Variants in OLFM1 observed in about 807,000 individuals in gnomAD.
OLFM1 encodes noelin.
OLFM1 carries 9 observed loss-of-function variants against 49.7 expected under a neutral mutation model. That is an observed-to-expected ratio of 0.18 (90% CI 0.11 to 0.32). The LOEUF is 0.32. Among genes scored for constraint, OLFM1 ranks in the 10% least tolerant of loss-of-function variants. The pLI, the probability that OLFM1 is intolerant of heterozygous loss-of-function variation, is 1.00. For synonymous variants in OLFM1, 240 were observed against 271.8 expected (o/e 0.88, Z 1.15); for missense variants, 369 against 661.8 (o/e 0.56, Z 4.85).
intron 4 of OLFM1, chr9:135,105,685 C>T (rs959530224): frequency 3.9e-5 from 6 of 152,356 alleles, no homozygotes; most frequent in African/African-American, 9.6e-5. Context: ...CTCGTGTGCT[C>T]GTGCAAGCCC....
At chr9:135,106,975 T>C (rs776008328) in intron 5 of OLFM1, 120 bp downstream of exon 5, 1 of 767,978 alleles carries the variant, frequency 1.3e-6, no homozygotes, top group Non-Finnish European at 2.1e-6. Flanking sequence ...CTGGGCAGCT[T>C]GGTGCCTGGG....
In OLFM1 at chr9:135,091,675, T is replaced by TCATAGTCTCACACACACACAGTCA. The variant is rs1564270836; in HGVS notation, c.300+1333_300+1334insTAGTCTCACACACACACAGTCACA. 6.1e-5 allele frequency among the ~76,000 whole-genome samples: 2 copies of TCATAGTCTCACACACACACAGTCA among 32,940 alleles called. 1 individual carries two copies. The highest frequency in any genetic ancestry group is 1.3e-4 in the Non-Finnish European group (2 of 15,232). The allele number at this position is 32,940 out of a possible 152,430, so 21.6% of individuals were successfully genotyped here. A position where few individuals can be genotyped will look rare whatever the true frequency, so the allele number is the denominator to read the frequency against. Reference sequence around the variant, plus strand: ...TAGTCACACACACACAGTCACACACTCACACATAGTCTCACACACACACAG... The same window carrying TCATAGTCTCACACACACACAGTCA: ...TAGTCACACACACACAGTCACACACTCATAGTCTCACACACACACAGTCACACACATAGTCTCACACACACACAG... On this transcript the variant is annotated intron_variant, in intron 2 of 5. Transcript: ENST00000371793.
At chr9:135,107,911 C>T (rs1429763177) in intron 5 of OLFM1, among the ~76,000 whole-genome samples, 1 of 152,124 alleles carries the variant, frequency 6.6e-6, no homozygotes, top group Admixed American at 6.5e-5. Flanking sequence ...ACCATTTCCA[C>T]GAAATCTCTT....
Position 135,088,017 on chromosome 9 carries a change from G to A in OLFM1, c.28G>A (p.Val10Ile). MSVPLLKIGVVLSTMAMITN... is the reference protein window; with the variant it reads MSVPLLKIGIVLSTMAMITN... ...GTCGGTGCCGCTGCTCAAGATCGGGGTCGTGCTGAGCACCATGGCCATGAT... is the reference window on the plus strand; with the variant it reads ...GTCGGTGCCGCTGCTCAAGATCGGGATCGTGCTGAGCACCATGGCCATGAT... The change falls in exon 1 of 6, where the codon GTC (valine) becomes ATC (isoleucine). Residue 10 changes from valine (V) to isoleucine (I), a missense_variant. Val to Ile is a conservative substitution (Grantham distance 29). Around this residue, in one of 3 missense-constraint regions of OLFM1, gnomAD observed 20 missense variants for 41.0 expected, o/e 0.49. Coordinates refer to ENST00000371793, the MANE Select transcript of OLFM1 (RefSeq NM_001282611.2). The surrounding 1 kb of genome is among the most constrained non-coding windows in gnomAD (Gnocchi z 4.8). 6.9e-7 allele frequency: 1 copy of A among 1,458,312 alleles called. No individual in the cohort carries two copies. The highest frequency in any genetic ancestry group is 1.3e-5 in the South Asian group (1 of 75,278). 90.3% of individuals were successfully genotyped at this position (1,458,312 alleles called of 1,614,324 possible).
upstream of OLFM1, chr9:135,087,368 G>T: frequency 1.3e-6 from 2 of 1,546,626 alleles, no homozygotes; most frequent in Non-Finnish European, 1.7e-6. Flanking sequence ...ATGCCCCGGC[G>T]TGAGGATGGG....
chr9:135,100,136 C>T (rs898115194), intron 4 of OLFM1, among the ~76,000 whole-genome samples: 7 of 152,176 alleles, frequency 4.6e-5, no homozygotes, highest in Admixed American at 3.9e-4. Flanking sequence ...TGTCTTCCCT[C>T]CCTGGAATAG....
At chr9:135,085,689 G>A (rs1179208331), upstream of OLFM1, among the ~76,000 whole-genome samples, 5 of 152,266 alleles carry the variant, frequency 3.3e-5, no homozygotes, top group Admixed American at 1.3e-4. Context: ...ACTTGGTATT[G>A]CCTGGCGCCA....
At position 135,091,598 on chromosome 9, in the gene OLFM1, C is replaced by G. The variant is rs112221318; in HGVS notation, c.300+1254C>G. On this transcript the variant is annotated intron_variant, in intron 2 of 5. Coordinates refer to ENST00000371793, the MANE Select transcript of OLFM1 (RefSeq NM_001282611.2). ...ACAGTCACACACTCACAGTCACACA[C>G]TCACACATAGTCACACAGTCACACA... Among the ~76,000 whole-genome samples the G allele has an allele frequency of 7.0e-3, 972 of 138,204 alleles. 13 individuals are homozygous for G. Among genetic ancestry groups the G allele is most frequent in the African/African-American group, 0.016 (546 of 34,614 alleles). 90.7% of individuals were successfully genotyped at this position (138,204 alleles called of 152,430 possible).
chr9:135,078,392 T>C (rs1466736176), intron 1 of OLFM1, among the ~76,000 whole-genome samples: 3 of 152,240 alleles, frequency 2.0e-5, no homozygotes, highest in African/African-American at 7.2e-5. Context: ...TAAGAAATGC[T>C]GCCTGGAGGA....
In OLFM1 at chr9:135,120,271, A is replaced by C; in HGVS notation, c.*93A>C. 4 of 1,048,864 alleles carry C rather than the reference A, an allele frequency of 3.8e-6. No individual in the cohort carries two copies. Among genetic ancestry groups the C allele is most frequent in the Non-Finnish European group, 5.5e-6 (4 of 724,704 alleles). 65.0% of individuals were successfully genotyped at this position (1,048,864 alleles called of 1,614,324 possible). A position where few individuals can be genotyped will look rare whatever the true frequency, so the allele number is the denominator to read the frequency against. ...AAAAGATACCAATAACACTAACAAT[A>C]CCGATCTTGAAAAATCATCAGCAGT... On this transcript the variant is annotated 3_prime_UTR_variant, in exon 6 of 6. Coordinates refer to ENST00000371793, the MANE Select transcript of OLFM1 (RefSeq NM_001282611.2).
In OLFM1 at chr9:135,098,631, C is replaced by G; in HGVS notation, c.676+126C>G. The G allele has an allele frequency of 1.3e-6, 1 of 795,880 alleles. No homozygotes were observed. The highest frequency in any genetic ancestry group is 1.7e-5 in the South Asian group (1 of 59,142). 49.3% of individuals were successfully genotyped at this position (795,880 alleles called of 1,614,324 possible). The stretch of plus-strand genomic sequence containing the variant: ...TCGCGAGGTGATGGCTGGATTAGGG[C>G]TCCTGGGCAGGTCTACCTTGAGAGA... On this transcript the variant is annotated intron_variant, in intron 4 of 5. Transcript: ENST00000371793. This position sits in a 1 kb window ranked among gnomAD's most constrained non-coding sequence, Gnocchi z 5.6.
intron 1 of OLFM1, among the ~76,000 whole-genome samples, chr9:135,081,202 A>G (rs1322465109): frequency 6.6e-6 from 1 of 152,130 alleles, no homozygotes; most frequent in Non-Finnish European, 1.5e-5. Flanking sequence ...CACCCAGCAC[A>G]TATGTGATGA....
chr9:135,097,720 G>C, intron 3 of OLFM1: 1 of 1,360,940 alleles, frequency 7.3e-7, no homozygotes, highest in South Asian at 1.2e-5. Flanking sequence ...CCTGATGGCT[G>C]TCTGTTTCAG....
chr9:135,102,348 C>T (rs982458408), intron 4 of OLFM1, among the ~76,000 whole-genome samples: 1 of 152,222 alleles, frequency 6.6e-6, no homozygotes, highest in African/African-American at 2.4e-5. Context: ...GCCACTGTCA[C>T]CAGCACACAT....
At chr9:135,081,400 C>T (rs1830530325) in intron 1 of OLFM1, among the ~76,000 whole-genome samples, 1 of 152,222 alleles carries the variant, frequency 6.6e-6, no homozygotes, top group Non-Finnish European at 1.5e-5. Flanking sequence ...TCAGCTGTGC[C>T]TTTCCGACTG....
chr9:135,102,567 G>C (rs550439426), intron 4 of OLFM1, among the ~76,000 whole-genome samples: 23 of 152,282 alleles, frequency 1.5e-4, no homozygotes, highest in Admixed American at 1.3e-3. Flanking sequence ...CCTGCCATGC[G>C]AGGAAGAGGG....
Position 135,113,348 on chromosome 9 carries a change from G to C in OLFM1, c.784-6156G>C, listed in dbSNP as rs976618544. 6.6e-6 allele frequency among the ~76,000 whole-genome samples: 1 copy of C among 152,134 alleles called. No individual in the cohort carries two copies. Among genetic ancestry groups the C allele is most frequent in the African/African-American group, 2.4e-5 (1 of 41,418 alleles). On this transcript the variant is annotated intron_variant, in intron 5 of 5. Transcript: ENST00000371793. The surrounding 1 kb of genome is among the most constrained non-coding windows in gnomAD (Gnocchi z 4.0). ...GGCCTTCTTCCTTTGGGTGGTGCCT[G>C]GGCCTGATGAGCTCCAGCAGGCTCT...
chr9:135,118,344 T>C (rs973700598), intron 5 of OLFM1, among the ~76,000 whole-genome samples: 7 of 151,224 alleles, frequency 4.6e-5, no homozygotes, highest in African/African-American at 9.8e-5. Context: ...TTTGGAGTGC[T>C]CGCTGGGTCT....
Position 135,088,333 on chromosome 9 carries a change from G to T in OLFM1, c.150+194G>T, listed in dbSNP as rs1427754029. 1.3e-5 allele frequency among the ~76,000 whole-genome samples: 2 copies of T among 151,852 alleles called. No individual in the cohort carries two copies. Among genetic ancestry groups the T allele is most frequent in the African/African-American group, 4.8e-5 (2 of 41,382 alleles). On this transcript the variant is annotated intron_variant, in intron 1 of 5. Transcript: ENST00000371793. The surrounding 1 kb of genome is among the most constrained non-coding windows in gnomAD (Gnocchi z 4.8). ...GGCGACCCTGCTCCCCGCTCCCCCA[G>T]CCTGGGCCACTCCATCTCCGCCCGC...
Sources: gnomAD v4.1 joint callset for allele counts (sites outside exome capture counted in the v4.1 genomes callset) on GRCh38, gnomAD v4.1.1 for gene constraint, gnomAD v4.1.1 regional missense constraint, Gnocchi (gnomAD v3.1) non-coding constraint, MANE v1.5 for transcripts, NCBI Gene and HGNC (gene_info 2026-07-23, HGNC 2026-07-21) for gene names.